The following SYNDIG1 variants were observed in gnomAD, a reference collection of about 807,000 sequenced individuals.
SYNDIG1 encodes synapse differentiation-inducing gene protein 1.
A neutral mutation model predicts 19.4 loss-of-function variants in SYNDIG1; 9 were observed. That is an observed-to-expected ratio of 0.46 (90% CI 0.28 to 0.81). The LOEUF (loss-of-function observed/expected upper bound fraction) is 0.81. Ranked by LOEUF, SYNDIG1 falls within the 30% of genes least tolerant of loss-of-function variation. The pLI is 0.12. For synonymous variants in SYNDIG1, 141 were observed against 145.9 expected (o/e 0.97, Z 0.24); for missense variants, 311 against 343.3 (o/e 0.91, Z 0.74).
chr20:24,659,767 A>G (rs543678605), intron 3 of SYNDIG1, among the ~76,000 whole-genome samples: 2 of 152,312 alleles, frequency 1.3e-5, no homozygotes, highest in Admixed American at 6.5e-5. Flanking sequence ...CTGTGTTCAG[A>G]GATGAAGTCA....
At chr20:24,549,587 T>C (rs1388958110) in intron 2 of SYNDIG1, among the ~76,000 whole-genome samples, 1 of 152,024 alleles carries the variant, frequency 6.6e-6, no homozygotes, top group Non-Finnish European at 1.5e-5. Flanking sequence ...TGCAGTAGTG[T>C]CTAGGGGTGG....
chr20:24,475,115 A>G (rs1352876624), intron 1 of SYNDIG1, among the ~76,000 whole-genome samples: 1 of 152,078 alleles, frequency 6.6e-6, no homozygotes, highest in Non-Finnish European at 1.5e-5. Context: ...ACTTCCTCCT[A>G]TGATCTTGGT....
At chr20:24,531,905 A>G (rs1215699457) in intron 1 of SYNDIG1, among the ~76,000 whole-genome samples, 2 of 152,198 alleles carry the variant, frequency 1.3e-5, no homozygotes, top group African/African-American at 4.8e-5. Flanking sequence ...GAGTTTTTCT[A>G]TCTCACAGTG....
At chr20:24,530,911 C>T (rs1021197123) in intron 1 of SYNDIG1, among the ~76,000 whole-genome samples, 4 of 151,420 alleles carry the variant, frequency 2.6e-5, no homozygotes, top group African/African-American at 9.7e-5. Flanking sequence ...TGAGTTCAAG[C>T]GATTCTCCTG....
chr20:24,470,087 C>A (rs1261583564), intron 1 of SYNDIG1, among the ~76,000 whole-genome samples: 1 of 152,150 alleles, frequency 6.6e-6, no homozygotes, highest in Non-Finnish European at 1.5e-5. Flanking sequence ...GGCTGCTGTG[C>A]GAATTCGATG....
At chr20:24,506,492 G>A (rs1345373580) in intron 1 of SYNDIG1, among the ~76,000 whole-genome samples, 1 of 152,204 alleles carries the variant, frequency 6.6e-6, no homozygotes, top group East Asian at 1.9e-4. Flanking sequence ...GTGCTTTGGG[G>A]ATTGGCACTG....
intron 3 of SYNDIG1, among the ~76,000 whole-genome samples, chr20:24,628,274 A>G (rs953893389): frequency 6.6e-6 from 1 of 152,130 alleles, no homozygotes; most frequent in African/African-American, 2.4e-5. Flanking sequence ...TTCTGAAGGG[A>G]GTACCAGGGG....
chr20:24,488,656 G>A (rs1369492357), intron 1 of SYNDIG1, among the ~76,000 whole-genome samples: 1 of 152,258 alleles, frequency 6.6e-6, no homozygotes, highest in East Asian at 1.9e-4. Flanking sequence ...AGAAAGGTGA[G>A]TCCTCGTTTG....
chr20:24,657,017 C>T (rs965666607), intron 3 of SYNDIG1, among the ~76,000 whole-genome samples: 1 of 152,202 alleles, frequency 6.6e-6, no homozygotes, highest in African/African-American at 2.4e-5. Flanking sequence ...CTGGCCCTGT[C>T]ACAGGCTTGC....
chr20:24,481,789 G>C (rs1341217434), intron 1 of SYNDIG1, among the ~76,000 whole-genome samples: 1 of 152,166 alleles, frequency 6.6e-6, no homozygotes, highest in African/African-American at 2.4e-5. Context: ...TTTGGAAGTA[G>C]GTAGTTGGAC....
intron 2 of SYNDIG1, among the ~76,000 whole-genome samples, chr20:24,546,109 C>A (rs1181309694): frequency 2.6e-5 from 4 of 152,162 alleles, no homozygotes; most frequent in Non-Finnish European, 5.9e-5. Context: ...CAGAGCCTCA[C>A]CACGGTGGTT....
At chr20:24,613,990 C>G (rs141311154) in intron 3 of SYNDIG1, among the ~76,000 whole-genome samples, 60 of 152,228 alleles carry the variant, frequency 3.9e-4, no homozygotes, top group East Asian at 3.7e-3. Context: ...GGTTGGGCAT[C>G]ACTCTCAGAT....
chr20:24,535,777 TTTGTAGTC>T (rs1470060673), intron 1 of SYNDIG1, among the ~76,000 whole-genome samples: 1 of 152,116 alleles, frequency 6.6e-6, no homozygotes, highest in Non-Finnish European at 1.5e-5. Context: ...TGCTGTGGGT[TTTGTAGTC>T]TTGTTATTAA....
At chr20:24,517,387 G>A (rs147812387) in intron 1 of SYNDIG1, among the ~76,000 whole-genome samples, 4,780 of 150,404 alleles carry the variant, frequency 0.032, 116 homozygotes, top group Admixed American at 0.092. Flanking sequence ...AGGCCGAGGC[G>A]GGCAGATCAC....
chr20:24,665,846 A>C lies in SYNDIG1; in HGVS notation c.*342A>C. The stretch of plus-strand genomic sequence containing the variant: ...GTGCCACCGCATTAGCAATATACAA[A>C]CAGTCCAAAAAAGTGTTTATTTTTT... On this transcript the variant is annotated 3_prime_UTR_variant, in exon 4 of 4. Transcript: ENST00000376862. 3.5e-6 allele frequency: 1 copy of C among 288,846 alleles called. No individual in the cohort carries two copies. 17.9% of individuals were successfully genotyped at this position (288,846 alleles called of 1,614,324 possible).
chr20:24,606,363 T>C (rs886594710), intron 3 of SYNDIG1, among the ~76,000 whole-genome samples: 3 of 152,234 alleles, frequency 2.0e-5, no homozygotes, highest in African/African-American at 7.2e-5. Flanking sequence ...CGACAACTCA[T>C]GAACAATTTT....
intron 1 of SYNDIG1, among the ~76,000 whole-genome samples, chr20:24,514,065 A>G (rs998239005): frequency 6.6e-6 from 1 of 152,340 alleles, no homozygotes; most frequent in African/African-American, 2.4e-5. Flanking sequence ...TTTACAGAGA[A>G]GCAAATGCTG....
At chr20:24,577,707 C>A (rs1478678888) in intron 2 of SYNDIG1, among the ~76,000 whole-genome samples, 1 of 152,210 alleles carries the variant, frequency 6.6e-6, no homozygotes, top group Non-Finnish European at 1.5e-5. Flanking sequence ...TGTCCTTGGT[C>A]CTGTCCTCAG....
intron 3 of SYNDIG1, among the ~76,000 whole-genome samples, chr20:24,598,159 C>T (rs769226735): frequency 2.0e-5 from 3 of 152,150 alleles, no homozygotes; most frequent in Non-Finnish European, 2.9e-5. Context: ...CCAAGAAATG[C>T]GCTGCTGCAG....
Sources: gnomAD v4.1 joint callset for allele counts (sites outside exome capture counted in the v4.1 genomes callset) on GRCh38, gnomAD v4.1.1 for gene constraint, MANE v1.5 for transcripts, NCBI Gene and HGNC (gene_info 2026-07-23, HGNC 2026-07-21) for gene names.